Variants in GRIP2 observed in about 807,000 individuals in gnomAD.
GRIP2 encodes glutamate receptor interacting protein 2.
A neutral mutation model predicts 108.3 loss-of-function variants in GRIP2; 58 were observed. The ratio of observed to expected loss-of-function variants is 0.54; its 90% CI spans 0.43 to 0.67. GRIP2 has a LOEUF of 0.67. GRIP2 is among the 30% of genes least tolerant of loss of function. GRIP2 has a pLI of 0.00. For missense variants in GRIP2, 1,278 were observed against 1,430.6 expected (o/e 0.89, Z 1.72); for synonymous variants, 586 against 598.2 (o/e 0.98, Z 0.30).
At position 14,522,038 on chromosome 3, in the gene GRIP2, G is replaced by A; in HGVS notation, c.567-251C>T. The A allele has an allele frequency of 1.9e-6, 1 of 516,122 alleles. No individual in the cohort carries two copies. Among genetic ancestry groups the A allele is most frequent in the South Asian group, 2.7e-5 (1 of 36,760 alleles). 32.0% of individuals were successfully genotyped at this position (516,122 alleles called of 1,614,324 possible). ...TGGCTCTGCCGCCTGCCACTCCTCT[G>A]GGTGTGCAGTAATTCACAGACTCAG... On this transcript the variant is annotated intron_variant, in intron 6 of 23. Transcript: ENST00000621039. The surrounding 1 kb of genome is among the most constrained non-coding windows in gnomAD (Gnocchi z 4.3).
At chr3:14,601,043 C>T in the GRIP2 span, among the ~76,000 whole-genome samples, 5 of 151,278 alleles carry the variant, frequency 3.3e-5, no homozygotes, top group Non-Finnish European at 7.4e-5. Context: ...ACACCATCCA[C>T]CCGCCTCACC....
Position 14,517,056 on chromosome 3 carries a change from C to G in GRIP2, c.1306+8G>C, listed in dbSNP as rs1361388104. The G allele has an allele frequency of 6.5e-7, 1 of 1,540,278 alleles. No homozygotes were observed. The highest frequency in any genetic ancestry group is 2.0e-5 in the Admixed American group (1 of 49,922). ...AGCCCAAGGAGGAGGGAAGAGACCA[C>G]AGCTTACACGAGCTCTTGTGTTCCC... is the stretch of plus-strand genomic sequence containing the variant. On this transcript the variant is annotated splice_region_variant and intron_variant, in intron 11 of 23. Transcript: ENST00000621039.
At chr3:14,602,642 G>A in the GRIP2 span, among the ~76,000 whole-genome samples, 2 of 151,714 alleles carry the variant, frequency 1.3e-5, no homozygotes, top group Non-Finnish European at 2.9e-5. The surrounding 1 kb of genome is among the most constrained non-coding windows in gnomAD (Gnocchi z 4.7). Flanking sequence ...TCCAGCCCCC[G>A]GCGGGCGCCC....
chr3:14,565,019 C>A, the GRIP2 span, among the ~76,000 whole-genome samples: 1 of 152,230 alleles, frequency 6.6e-6, no homozygotes, highest in African/African-American at 2.4e-5. Flanking sequence ...ACGGCACAGC[C>A]CACAGCCGGG....
rs367789595 is a variant in GRIP2 at position 14,511,178 on chromosome 3, G to A, written c.1920C>T (p.Asp640=). The A allele has an allele frequency of 2.2e-5, 35 of 1,613,802 alleles. No individual in the cohort carries two copies. The East Asian group carries it at 2.2e-4, about 10-fold the overall frequency. Residue 640 remains aspartate (D), a synonymous_variant, in exon 16 of 24, where the codon GAC becomes GAT. Coordinates refer to ENST00000621039, the MANE Select transcript of GRIP2 (RefSeq NM_001080423.4). The surrounding 1 kb of genome is among the most constrained non-coding windows in gnomAD (Gnocchi z 4.1). ...TGAGGGCCATACCAGAGTTGTCCTC[G>A]TCCTTCCGGATCTTCAGCTTCACCA... ...EDLVKLKIRK[D]EDNSDELETT...
In GRIP2 at chr3:14,494,839, T is replaced by C; in HGVS notation, c.2970+4A>G. The C allele has an allele frequency of 1.9e-6, 3 of 1,609,948 alleles. No homozygotes were observed. Among genetic ancestry groups the C allele is most frequent in the Non-Finnish European group, 2.5e-6 (3 of 1,177,384 alleles). ...CCACTATGGAGCCCCTGCCCCAGCATTACCTGCAGGACCCTGTCGAAGGGC... is the reference window on the plus strand; with the variant it reads ...CCACTATGGAGCCCCTGCCCCAGCACTACCTGCAGGACCCTGTCGAAGGGC... On this transcript the variant is annotated splice_donor_region_variant and intron_variant, in intron 23 of 23. Coordinates refer to ENST00000621039, the MANE Select transcript of GRIP2 (RefSeq NM_001080423.4).
At chr3:14,548,521 C>A (rs1695092415) in intron 1 of GRIP2, among the ~76,000 whole-genome samples, 2 of 152,068 alleles carry the variant, frequency 1.3e-5, no homozygotes, top group African/African-American at 2.4e-5. Flanking sequence ...GTGGGCACAG[C>A]TGTCATCCCG....
the GRIP2 span, chr3:14,573,151 G>C: frequency 4.7e-5 from 67 of 1,433,360 alleles, 2 homozygotes; most frequent in South Asian, 7.5e-4. Flanking sequence ...CAGAGGAAGA[G>C]CACCACAGCC....
At chr3:14,529,143 G>A (rs1694640395) in intron 1 of GRIP2, among the ~76,000 whole-genome samples, 1 of 151,938 alleles carries the variant, frequency 6.6e-6, no homozygotes, top group African/African-American at 2.4e-5. Context: ...GCTGGGCGTG[G>A]TGGCAGGCGC....
chr3:14,558,873 C>A (rs1695277944), upstream of GRIP2, among the ~76,000 whole-genome samples: 1 of 152,224 alleles, frequency 6.6e-6, no homozygotes, highest in Non-Finnish European at 1.5e-5. Flanking sequence ...TCCCTGGGGC[C>A]CCTTAGCTCT....
chr3:14,563,672 G>A, the GRIP2 span, among the ~76,000 whole-genome samples: 4 of 152,036 alleles, frequency 2.6e-5, no homozygotes, highest in Admixed American at 6.5e-5. Context: ...CAGAACTCGG[G>A]GCTCCACAGT....
the GRIP2 span, among the ~76,000 whole-genome samples, chr3:14,575,100 T>A: frequency 6.6e-6 from 1 of 152,052 alleles, no homozygotes; most frequent in African/African-American, 2.4e-5. Context: ...GGTGGGGGGA[T>A]CTTCTAAGGG....
intron 1 of GRIP2, among the ~76,000 whole-genome samples, chr3:14,537,434 T>G (rs1694859820): frequency 6.6e-6 from 1 of 152,376 alleles, no homozygotes; most frequent in South Asian, 2.1e-4. Flanking sequence ...TTTACTGGGA[T>G]GTCAGCTCCA....
At position 14,548,632 on chromosome 3, in the gene GRIP2, G is replaced by A. The variant is rs1348145453; in HGVS notation, c.55+7268C>T. 2.6e-5 allele frequency among the ~76,000 whole-genome samples: 4 copies of A among 152,316 alleles called. No individual in the cohort carries two copies. In the East Asian group the frequency reaches 5.8e-4, roughly 22 times the overall value. On this transcript the variant is annotated intron_variant, in intron 1 of 23. Transcript: ENST00000637182. Reference sequence around the variant, plus strand: ...ATCAAGCATGACCCTCCGTCCAAACGCAAACGCCTTAGAGAGAAGGAAAGG... The same window carrying A: ...ATCAAGCATGACCCTCCGTCCAAACACAAACGCCTTAGAGAGAAGGAAAGG...
At chr3:14,583,831 C>A in the GRIP2 span, among the ~76,000 whole-genome samples, 1 of 152,158 alleles carries the variant, frequency 6.6e-6, no homozygotes, top group Admixed American at 6.5e-5. Context: ...TCTGCAACCA[C>A]CAGTGTACGC....
chr3:14,567,785 C>A, the GRIP2 span, among the ~76,000 whole-genome samples: 12 of 152,230 alleles, frequency 7.9e-5, no homozygotes, highest in Non-Finnish European at 1.5e-4. Context: ...CCAGCACTTA[C>A]GTTCTACGCA....
At chr3:14,558,963 G>A (rs142756490), upstream of GRIP2, among the ~76,000 whole-genome samples, 161 of 152,322 alleles carry the variant, frequency 1.1e-3, no homozygotes, top group African/African-American at 3.7e-3. Flanking sequence ...AGCTCCGAGG[G>A]CAGGGTGGAT....
chr3:14,558,287 C>G (rs542708783), upstream of GRIP2, among the ~76,000 whole-genome samples: 46 of 152,326 alleles, frequency 3.0e-4, no homozygotes, highest in African/African-American at 1.1e-3. Flanking sequence ...GCCCAGGGAG[C>G]ACCCCTTATA....
chr3:14,508,117 C>T (rs759373350), intron 17 of GRIP2, among the ~76,000 whole-genome samples: 1 of 152,194 alleles, frequency 6.6e-6, no homozygotes, highest in Non-Finnish European at 1.5e-5. Flanking sequence ...GGAATGGATT[C>T]CTACTTCCCT....
Sources: allele counts gnomAD v4.1 joint callset (sites outside exome capture counted in the v4.1 genomes callset), GRCh38; gene constraint gnomAD v4.1.1; non-coding constraint Gnocchi (gnomAD v3.1); transcripts MANE v1.5; gene names NCBI Gene and HGNC (gene_info 2026-07-23, HGNC 2026-07-21).